The following ADORA2B variants were observed in gnomAD, a reference collection of about 807,000 sequenced individuals.
ADORA2B encodes adenosine A2b receptor, also known as adenosine receptor A2b.
A neutral mutation model predicts 20.8 loss-of-function variants in ADORA2B; 18 were observed. That is an observed-to-expected ratio of 0.87 (90% CI 0.60 to 1.29). ADORA2B has a LOEUF of 1.29. ADORA2B is among the 50% of genes most tolerant of loss of function. ADORA2B has a pLI of 0.00. For missense variants in ADORA2B, 441 were observed against 422.7 expected, an observed-to-expected ratio of 1.04 and a Z score of -0.38; for synonymous variants, 179 against 178.3, an observed-to-expected ratio of 1.00 and a Z score of -0.03.
At chr17:15,913,208 G>A in the ADORA2B span, among the ~76,000 whole-genome samples, 11 of 152,208 alleles carry the variant, frequency 7.2e-5, no homozygotes, top group Non-Finnish European at 1.6e-4. Context: ...CTTAGGCTGT[G>A]CATTTACACC....
chr17:15,869,203 C>T, the ADORA2B span, among the ~76,000 whole-genome samples: 3 of 151,318 alleles, frequency 2.0e-5, no homozygotes, highest in Non-Finnish European at 4.4e-5. Context: ...AACTGTAATC[C>T]CAGCTACTCG....
chr17:15,900,468 C>T, the ADORA2B span, among the ~76,000 whole-genome samples: 1 of 151,616 alleles, frequency 6.6e-6, no homozygotes, highest in East Asian at 1.9e-4. Flanking sequence ...ATTTTTTTGA[C>T]ATAGGGTCTT....
At chr17:15,920,719 C>CA in the ADORA2B span, among the ~76,000 whole-genome samples, 23,121 of 89,102 alleles carry the variant, frequency 0.26, 2,333 homozygotes, top group Middle Eastern at 0.35. Flanking sequence ...GACTCCGTCT[C>CA]AAAAAAAAAA....
the ADORA2B span, chr17:15,908,523 C>T: frequency 6.0e-6 from 1 of 166,108 alleles, no homozygotes; most frequent in African/African-American, 2.4e-5. Flanking sequence ...CTCTGTCCCC[C>T]ATGCACTTCC....
chr17:15,906,218 A>G, the ADORA2B span, among the ~76,000 whole-genome samples: 1 of 152,216 alleles, frequency 6.6e-6, no homozygotes, highest in African/African-American at 2.4e-5. Context: ...CAAGTCTTTC[A>G]TTATTAAGTA....
chr17:15,944,101 G>A (rs1969768023), upstream of ADORA2B, among the ~76,000 whole-genome samples: 1 of 152,180 alleles, frequency 6.6e-6, no homozygotes, highest in South Asian at 2.1e-4. The surrounding 1 kb of genome is among the most constrained non-coding windows in gnomAD (Gnocchi z 4.8). Flanking sequence ...ATTGGGACGT[G>A]GAGAAAGGCG....
the ADORA2B span, among the ~76,000 whole-genome samples, chr17:15,905,288 G>C: frequency 9.9e-5 from 15 of 151,086 alleles, no homozygotes; most frequent in East Asian, 2.5e-3. Context: ...TGTTGTTGGG[G>C]GGGGGTTGCG....
chr17:15,957,048 G>A (rs1443788786), intron 1 of ADORA2B, among the ~76,000 whole-genome samples: 1 of 152,182 alleles, frequency 6.6e-6, no homozygotes, highest in African/African-American at 2.4e-5. Flanking sequence ...AGGAAGGAAT[G>A]GACGGGACAA....
the ADORA2B span, among the ~76,000 whole-genome samples, chr17:15,885,920 G>T: frequency 1.3e-5 from 2 of 152,188 alleles, 1 homozygote; most frequent in South Asian, 4.1e-4. Context: ...GTTTGGGTTG[G>T]TTTGTTACTC....
chr17:15,867,893 G>T, the ADORA2B span, among the ~76,000 whole-genome samples: 3 of 152,076 alleles, frequency 2.0e-5, no homozygotes, highest in Admixed American at 1.3e-4. Flanking sequence ...CATTGAGAAC[G>T]GGTCATGATG....
chr17:15,868,443 C>T, the ADORA2B span, among the ~76,000 whole-genome samples: 5 of 139,022 alleles, frequency 3.6e-5, 2 homozygotes, highest in Admixed American at 1.4e-4. Context: ...AGTCTTTCCT[C>T]TAATGGTTAG....
the ADORA2B span, among the ~76,000 whole-genome samples, chr17:15,926,457 G>C: frequency 6.6e-6 from 1 of 152,102 alleles, no homozygotes; most frequent in South Asian, 2.1e-4. Context: ...ATACCTGAAA[G>C]GTATGCGGGG....
At chr17:15,917,168 C>A in the ADORA2B span, among the ~76,000 whole-genome samples, 1 of 152,216 alleles carries the variant, frequency 6.6e-6, no homozygotes, top group Admixed American at 6.5e-5. Context: ...ATGAGCTGGG[C>A]GTGGTGGCGC....
chr17:15,944,991 G>A, upstream of ADORA2B: 1 of 276,856 alleles, frequency 3.6e-6, no homozygotes, highest in Non-Finnish European at 6.7e-6. The surrounding 1 kb of genome is among the most constrained non-coding windows in gnomAD (Gnocchi z 4.8). Context: ...GCGCGGGCGC[G>A]AACTTTGGGC....
chr17:15,914,500 C>T, the ADORA2B span, among the ~76,000 whole-genome samples: 3 of 152,144 alleles, frequency 2.0e-5, no homozygotes, highest in Non-Finnish European at 4.4e-5. Context: ...CCACTGTGCC[C>T]AGCTGTTAAA....
At chr17:15,871,502 T>C in the ADORA2B span, among the ~76,000 whole-genome samples, 1 of 152,198 alleles carries the variant, frequency 6.6e-6, no homozygotes, top group Non-Finnish European at 1.5e-5. Flanking sequence ...GGCTGGAGTC[T>C]GAGAACTAGG....
At chr17:15,923,099 T>C in the ADORA2B span, among the ~76,000 whole-genome samples, 1 of 151,562 alleles carries the variant, frequency 6.6e-6, no homozygotes, top group Non-Finnish European at 1.5e-5. Context: ...CTCGGCTCAC[T>C]GCAACCTCTG....
the ADORA2B span, among the ~76,000 whole-genome samples, chr17:15,891,002 C>A: frequency 4.9e-4 from 75 of 152,356 alleles, 1 homozygote; most frequent in East Asian, 0.011. Flanking sequence ...TGCAGTGGCT[C>A]ACGCCTGTAA....
chr17:15,913,970 G>A, the ADORA2B span, among the ~76,000 whole-genome samples: 2 of 152,200 alleles, frequency 1.3e-5, no homozygotes, highest in Admixed American at 6.5e-5. Flanking sequence ...GCTGGAGAAG[G>A]AACCTTGACC....
Sources: gnomAD v4.1 joint callset for allele counts (sites outside exome capture counted in the v4.1 genomes callset) on GRCh38, gnomAD v4.1.1 for gene constraint, Gnocchi (gnomAD v3.1) non-coding constraint, MANE v1.5 for transcripts, NCBI Gene and HGNC (gene_info 2026-07-23, HGNC 2026-07-21) for gene names.